UBR7: variants seen among roughly 807,000 people sequenced by gnomAD.
UBR7 encodes the protein ubiquitin protein ligase E3 component n-recognin 7.
Under a neutral mutation model 57.0 loss-of-function variants are expected in UBR7, and 22 were observed. That is an observed-to-expected ratio of 0.39 (90% CI 0.28 to 0.55). The LOEUF (loss-of-function observed/expected upper bound fraction) is 0.55, where lower values mean the gene tolerates loss of function less well. UBR7 is among the 20% of genes least tolerant of loss of function. The probability of loss-of-function intolerance (pLI) is 0.69; values close to 1 mark genes in which losing one functional copy is unlikely to be tolerated. For synonymous variants in UBR7, 167 were observed against 179.8 expected (o/e 0.93, Z 0.57); for missense variants, 395 against 513.2 (o/e 0.77, Z 2.23).
chr14:93,222,291 T>A, intron 9 of UBR7, 22 bp from the exon 10 acceptor site: 1 of 1,551,614 alleles, frequency 6.4e-7, no homozygotes, highest in African/African-American at 1.4e-5. Flanking sequence ...TAAACTTAAA[T>A]ACTTTTGTGG....
rs1181710487 is a variant in UBR7, at chr14:93,222,319, A to G, written c.1130A>G (p.Asn377Ser). 5 of 1,606,838 alleles carry G rather than the reference A, an allele frequency of 3.1e-6. No homozygotes were observed. Among genetic ancestry groups the G allele is most frequent in the Admixed American group, 3.3e-5 (2 of 59,996 alleles). ...TTTTGTGGTTTTGATTTAGAATACA[A>G]TGATTTGAAGACTGAACTTAAAGAC... ...VQQVELICEY[N>S]DLKTELKDYL... is the part of the protein sequence containing the mutation. The change falls in exon 10 of 11, where the codon AAT becomes AGT. Residue 377 changes from asparagine to serine, a missense_variant. Coordinates refer to ENST00000013070, the MANE Select transcript of UBR7 (RefSeq NM_175748.4).
chr14:93,220,933 TTCTG>T (rs1050314553), intron 9 of UBR7, among the ~76,000 whole-genome samples: 1 of 152,188 alleles, frequency 6.6e-6, no homozygotes, highest in South Asian at 2.1e-4. Flanking sequence ...CATCAGTCAT[TTCTG>T]TCTTTTATTA....
chr14:93,224,958 A>G (rs966770796), intron 10 of UBR7, among the ~76,000 whole-genome samples: 3 of 152,188 alleles, frequency 2.0e-5, no homozygotes, highest in African/African-American at 7.2e-5. Flanking sequence ...TTAAAATTAC[A>G]TAAAAGAAAA....
chr14:93,218,495 G>A lies in UBR7; in HGVS notation c.602-32G>A, dbSNP rs775215214. 5 of 1,573,518 alleles carry A rather than the reference G, an allele frequency of 3.2e-6. No homozygotes were observed. In the East Asian group the frequency reaches 9.0e-5, roughly 28 times the overall value. On this transcript the variant is annotated intron_variant, in intron 6 of 10. Transcript: ENST00000013070. ...GTCCGTTAGGTCAGTGGATATGTGT[G>A]TATGTGTTTTTCTTTTTCTTTGAAC...
Position 93,219,349 on chromosome 14 carries a change from C to T in UBR7, c.948C>T (p.Cys316=). 1 of 1,614,170 alleles carries T rather than the reference C, an allele frequency of 6.2e-7. No individual in the cohort carries two copies. The highest frequency in any genetic ancestry group is 2.2e-5 in the East Asian group (1 of 44,882). Residue 316 remains cysteine (C), a synonymous_variant, in exon 8 of 11, where the codon TGC becomes TGT. Transcript: ENST00000013070. The part of the protein sequence containing the change: ...PLNWRSKLCT[C]QDCMKMYGDL... Reference sequence around the variant, plus strand: ...ACTGGCGTAGCAAGTTGTGTACCTGCCAAGACTGTATGGTAAAGTATCTGA... The same window carrying T: ...ACTGGCGTAGCAAGTTGTGTACCTGTCAAGACTGTATGGTAAAGTATCTGA...
At chr14:93,216,305 C>T (rs1190025863) in intron 6 of UBR7, among the ~76,000 whole-genome samples, 1 of 152,206 alleles carries the variant, frequency 6.6e-6, no homozygotes, top group African/African-American at 2.4e-5. Flanking sequence ...CTTGGCTTCC[C>T]AGACTGCTGG....
At chr14:93,224,062 G>A (rs1372755459) in intron 10 of UBR7, 14 of 1,021,114 alleles carry the variant, frequency 1.4e-5, no homozygotes, top group Non-Finnish European at 2.1e-5. Flanking sequence ...TGTGGTAGAG[G>A]GGCGGTGTGT....
Position 93,219,482 on chromosome 14 carries a change from C to T in UBR7, c.960+121C>T, listed in dbSNP as rs1894661319. On this transcript the variant is annotated intron_variant, in intron 8 of 10. Coordinates refer to ENST00000013070, the MANE Select transcript of UBR7 (RefSeq NM_175748.4). ...GGAAGAAAGGAAAATAAAAAGAACA[C>T]CTGAACAATATATTTATGAAATTAA... is the stretch of plus-strand genomic sequence containing the variant. The T allele has an allele frequency of 7.0e-6, 9 of 1,292,790 alleles. No individual in the cohort carries two copies. In the Admixed American group the frequency reaches 1.6e-4, roughly 23 times the overall value. The allele number at this position is 1,292,790 out of a possible 1,614,324, so 80.1% of individuals were successfully genotyped here.
chr14:93,212,684 C>G (rs773343390), intron 4 of UBR7, among the ~76,000 whole-genome samples: 1 of 152,170 alleles, frequency 6.6e-6, no homozygotes, highest in Non-Finnish European at 1.5e-5. Flanking sequence ...AGTGAAAATT[C>G]TGTACACTCA....
chr14:93,228,582 G>A lies in UBR7; in HGVS notation c.*1547G>A. 1 of 454,090 alleles carries A rather than the reference G, an allele frequency of 2.2e-6. No homozygotes were observed. The highest frequency in any genetic ancestry group is 4.4e-6 in the Non-Finnish European group (1 of 226,786). 28.1% of individuals were successfully genotyped at this position (454,090 alleles called of 1,614,324 possible). A position where few individuals can be genotyped will look rare whatever the true frequency, so the allele number is the denominator to read the frequency against. Reference sequence around the variant, plus strand: ...TCCTAATTGCAGATCCTCACGAAGGGTGGTATGTGGAGCTGGAAGGTCTTG... The same window carrying A: ...TCCTAATTGCAGATCCTCACGAAGGATGGTATGTGGAGCTGGAAGGTCTTG... On this transcript the variant is annotated 3_prime_UTR_variant, in exon 11 of 11. Coordinates refer to ENST00000013070, the MANE Select transcript of UBR7 (RefSeq NM_175748.4).
At chr14:93,224,533 A>G (rs781154361) in intron 10 of UBR7, among the ~76,000 whole-genome samples, 1 of 151,524 alleles carries the variant, frequency 6.6e-6, no homozygotes, top group African/African-American at 2.4e-5. Context: ...ACCCGCCACC[A>G]CGCCCGGCTA....
intron 7 of UBR7, 61 bp from the exon 8 acceptor site, chr14:93,219,151 T>A: frequency 1.9e-6 from 3 of 1,576,364 alleles, no homozygotes; most frequent in Non-Finnish European, 2.6e-6. Context: ...CTTTACAAAA[T>A]CTAAACTATG....
At chr14:93,216,165 G>A (rs1326003650) in intron 6 of UBR7, among the ~76,000 whole-genome samples, 1 of 152,178 alleles carries the variant, frequency 6.6e-6, no homozygotes, top group Non-Finnish European at 1.5e-5. Context: ...AATGGGATTA[G>A]TGCCTTTATA....
chr14:93,220,215 CCT>C lies in UBR7; in HGVS notation c.961-31_961-30del. 4 of 1,555,516 alleles carry C rather than the reference CCT, an allele frequency of 2.6e-6. No homozygotes were observed. The South Asian group carries it at 4.6e-5, about 18-fold the overall frequency. On this transcript the variant is annotated intron_variant, in intron 8 of 10. Coordinates refer to ENST00000013070, the MANE Select transcript of UBR7 (RefSeq NM_175748.4). ...GATAAACAGTTCTAATGGGGAAACT[CCT>C]CTTTCTTTTTTTTTTTTTTTTTTCC...
At position 93,218,351 on chromosome 14, in the gene UBR7, C is replaced by T. The variant is rs568163203; in HGVS notation, c.602-176C>T. On this transcript the variant is annotated intron_variant, in intron 6 of 10. Coordinates refer to ENST00000013070, the MANE Select transcript of UBR7 (RefSeq NM_175748.4). ...GCTTGAACCTGGGAGACAGAGGTTGCAGTGAGTCAAGACCATGCCACTGCA... is the reference window on the plus strand; with the variant it reads ...GCTTGAACCTGGGAGACAGAGGTTGTAGTGAGTCAAGACCATGCCACTGCA... Among the ~76,000 whole-genome samples, 3 of 151,862 alleles carry T rather than the reference C, an allele frequency of 2.0e-5. No individual in the cohort carries two copies. The South Asian group carries it at 6.2e-4, about 32-fold the overall frequency.
intron 6 of UBR7, among the ~76,000 whole-genome samples, chr14:93,217,545 CTG>C (rs35906170): frequency 0.16 from 23,714 of 152,140 alleles, 2,158 homozygotes; most frequent in South Asian, 0.25. Context: ...ACCCTTCTGT[CTG>C]TGTTTACAAT....
At chr14:93,209,320 C>T (rs1566819802) in intron 1 of UBR7, among the ~76,000 whole-genome samples, 1 of 152,174 alleles carries the variant, frequency 6.6e-6, no homozygotes, top group Non-Finnish European at 1.5e-5. Context: ...AAACATTTTC[C>T]AGGATGAAAG....
At chr14:93,223,830 C>A in intron 10 of UBR7, 1 of 748,754 alleles carries the variant, frequency 1.3e-6, no homozygotes, top group Non-Finnish European at 2.4e-6. Flanking sequence ...ACAGCGCCCG[C>A]GGTGGTCAGG....
intron 6 of UBR7, among the ~76,000 whole-genome samples, chr14:93,217,539 TTCTG>T (rs910615887): frequency 2.4e-4 from 35 of 147,344 alleles, no homozygotes; most frequent in East Asian, 1.2e-3. Context: ...AAAATTACCC[TTCTG>T]TCTGTGTTTA....
Sources: allele counts gnomAD v4.1 joint callset (sites outside exome capture counted in the v4.1 genomes callset), GRCh38; gene constraint gnomAD v4.1.1; transcripts MANE v1.5; gene names NCBI Gene and HGNC (gene_info 2026-07-23, HGNC 2026-07-21).